The following SPAG16 variants were observed in gnomAD, a reference collection of about 807,000 sequenced individuals.
SPAG16 encodes sperm associated antigen 16, also known as sperm-associated antigen 16 protein.
Under a neutral mutation model 80.4 loss-of-function variants are expected in SPAG16, and 86 were observed. That is an observed-to-expected ratio of 1.07 (90% CI 0.90 to 1.28). The LOEUF (loss-of-function observed/expected upper bound fraction) is 1.28. Among genes scored for constraint, SPAG16 ranks in the 50% most tolerant of loss-of-function variants. The pLI is 0.00. For missense variants in SPAG16, 870 were observed against 765.3 expected (o/e 1.14, Z -1.61); for synonymous variants, 294 against 265.9 (o/e 1.11, Z -1.03).
Position 214,030,190 on chromosome 2 carries a change from C to T in SPAG16, c.1527+16113C>T, listed in dbSNP as rs1385490979. ...TTGTTTTCTTCTTTTGTGACTTTGA[C>T]TATTTTAGATACCTCATCTAAGTGG... On this transcript the variant is annotated intron_variant, in intron 13 of 15. Transcript: ENST00000331683. Among the ~76,000 whole-genome samples, 4 of 152,124 alleles carry T rather than the reference C, an allele frequency of 2.6e-5. No individual in the cohort carries two copies. The East Asian group carries it at 7.7e-4, about 29-fold the overall frequency.
chr2:213,762,946 C>A (rs180745132), intron 10 of SPAG16, among the ~76,000 whole-genome samples: 4 of 152,138 alleles, frequency 2.6e-5, no homozygotes, highest in South Asian at 2.1e-4. Context: ...GTTAAAAAAA[C>A]CAAATAACCT....
intron 15 of SPAG16, among the ~76,000 whole-genome samples, chr2:214,341,950 C>T (rs940530601): frequency 2.6e-5 from 4 of 151,752 alleles, no homozygotes; most frequent in East Asian, 1.9e-4. Flanking sequence ...CAAAAAGCAC[C>T]GTTAACAGAA....
At chr2:214,121,668 C>A (rs908901459) in intron 14 of SPAG16, among the ~76,000 whole-genome samples, 1 of 151,734 alleles carries the variant, frequency 6.6e-6, no homozygotes, top group African/African-American at 2.4e-5. Context: ...CATCTCTAAT[C>A]CAAAAATCTA....
intron 10 of SPAG16, among the ~76,000 whole-genome samples, chr2:213,717,796 T>G (rs1488244630): frequency 6.6e-6 from 1 of 152,164 alleles, no homozygotes; most frequent in Non-Finnish European, 1.5e-5. Flanking sequence ...ACTGATCTTT[T>G]TGCAAGATAC....
intron 10 of SPAG16, among the ~76,000 whole-genome samples, chr2:213,661,990 A>G (rs2063442701): frequency 6.6e-6 from 1 of 152,162 alleles, no homozygotes; most frequent in Non-Finnish European, 1.5e-5. Context: ...TTATGTTTCC[A>G]GGATTTCTAA....
chr2:214,268,032 T>G (rs1027035805), intron 15 of SPAG16, among the ~76,000 whole-genome samples: 1 of 151,938 alleles, frequency 6.6e-6, no homozygotes, highest in Non-Finnish European at 1.5e-5. Context: ...TGGACATTTC[T>G]CAAAAGAAGA....
At chr2:214,023,692 A>G (rs2047998486) in intron 13 of SPAG16, among the ~76,000 whole-genome samples, 1 of 151,806 alleles carries the variant, frequency 6.6e-6, no homozygotes, top group African/African-American at 2.4e-5. Flanking sequence ...AAAGATTGTT[A>G]CTTAACTTTG....
chr2:213,472,644 G>T (rs1472730413), intron 9 of SPAG16, among the ~76,000 whole-genome samples: 1 of 152,150 alleles, frequency 6.6e-6, no homozygotes, highest in Admixed American at 6.6e-5. Context: ...TGAGAGTTCT[G>T]CCAGCCTGCT....
chr2:214,387,355 G>A (rs1299718814), intron 15 of SPAG16, among the ~76,000 whole-genome samples: 6 of 152,142 alleles, frequency 3.9e-5, no homozygotes, highest in East Asian at 1.9e-4. Context: ...ATAGGGCGAT[G>A]TTTGATCCAT....
At chr2:213,680,596 G>A (rs1419161226) in intron 10 of SPAG16, among the ~76,000 whole-genome samples, 2 of 152,152 alleles carry the variant, frequency 1.3e-5, no homozygotes, top group African/African-American at 4.8e-5. Context: ...GCTCGAATAT[G>A]TGTAGAGCAT....
chr2:214,389,585 G>T lies in SPAG16; in HGVS notation c.1721-20555G>T, dbSNP rs531220965. Among the ~76,000 whole-genome samples the T allele has an allele frequency of 3.8e-4, 58 of 152,176 alleles. 1 individual carries two copies. The highest frequency in any genetic ancestry group is 1.7e-3 in the Admixed American group (26 of 15,274). On this transcript the variant is annotated intron_variant, in intron 15 of 15. Coordinates refer to ENST00000331683, the MANE Select transcript of SPAG16 (RefSeq NM_024532.5). ...TAATGTAGAATGTTTGTACTGCCAG[G>T]GCAGTGGGTATGACAAATTTGAGAG...
chr2:213,812,594 A>G (rs2072241052), intron 10 of SPAG16, among the ~76,000 whole-genome samples: 1 of 152,162 alleles, frequency 6.6e-6, no homozygotes, highest in African/African-American at 2.4e-5. Flanking sequence ...TTCATGAGAG[A>G]AGAGACTGCA....
chr2:214,067,065 CA>C (rs2050565538), intron 13 of SPAG16, among the ~76,000 whole-genome samples: 1 of 152,154 alleles, frequency 6.6e-6, no homozygotes, highest in African/African-American at 2.4e-5. Context: ...CAGGAAGCCT[CA>C]GCAATCAATT....
intron 10 of SPAG16, among the ~76,000 whole-genome samples, chr2:213,627,199 T>C (rs967896837): frequency 1.3e-5 from 2 of 152,164 alleles, no homozygotes; most frequent in Non-Finnish European, 2.9e-5. Flanking sequence ...TCCTCACTAT[T>C]GAAGAGTCTG....
chr2:213,713,308 TCG>T (rs1195651330), intron 10 of SPAG16, among the ~76,000 whole-genome samples: 1 of 152,184 alleles, frequency 6.6e-6, no homozygotes, highest in African/African-American at 2.4e-5. Context: ...TTCTTGTAAA[TCG>T]GATATGGTTG....
chr2:213,616,985 G>A (rs1247067435), intron 10 of SPAG16, among the ~76,000 whole-genome samples: 3 of 152,082 alleles, frequency 2.0e-5, no homozygotes, highest in Admixed American at 6.6e-5. Context: ...ATGGATGCTC[G>A]CCGTTTGTAG....
chr2:214,402,669 T>C (rs1337691030), intron 15 of SPAG16, among the ~76,000 whole-genome samples: 2 of 152,008 alleles, frequency 1.3e-5, no homozygotes, highest in African/African-American at 4.8e-5. Flanking sequence ...CATCTTAATA[T>C]AAAATACTTA....
chr2:214,189,389 G>T (rs1383589654), intron 15 of SPAG16, among the ~76,000 whole-genome samples: 7 of 151,292 alleles, frequency 4.6e-5, no homozygotes. Flanking sequence ...TTTCATGTCA[G>T]CTAGGTTTAT....
At chr2:214,143,701 A>G (rs2055488607) in intron 14 of SPAG16, among the ~76,000 whole-genome samples, 1 of 152,180 alleles carries the variant, frequency 6.6e-6, no homozygotes, top group South Asian at 2.1e-4. Flanking sequence ...GTGATTTAAA[A>G]TCAAATACCT....
Sources: gnomAD v4.1 joint callset for allele counts (sites outside exome capture counted in the v4.1 genomes callset) on GRCh38, gnomAD v4.1.1 for gene constraint, MANE v1.5 for transcripts, NCBI Gene and HGNC (gene_info 2026-07-23, HGNC 2026-07-21) for gene names.